LHFPL6: variants seen among roughly 807,000 people sequenced by gnomAD.
LHFPL6 encodes LHFPL tetraspan subfamily member 6 protein.
A neutral mutation model predicts 20.6 loss-of-function variants in LHFPL6; 9 were observed. The ratio of observed to expected loss-of-function variants is 0.44; its 90% CI spans 0.26 to 0.76. The LOEUF (loss-of-function observed/expected upper bound fraction) is 0.76, where lower values mean the gene tolerates loss of function less well. Ranked by LOEUF, LHFPL6 falls within the 30% of genes least tolerant of loss-of-function variation. The pLI is 0.20. For missense variants in LHFPL6, 218 were observed against 253.5 expected (o/e 0.86, Z 0.95); for synonymous variants, 105 against 98.7 (o/e 1.06, Z -0.38).
chr13:39,353,886 T>C (rs189410171), intron 3 of LHFPL6, among the ~76,000 whole-genome samples: 1 of 152,182 alleles, frequency 6.6e-6, no homozygotes, highest in Non-Finnish European at 1.5e-5. Context: ...GCTGCACACA[T>C]GCATATAATG....
intron 2 of LHFPL6, among the ~76,000 whole-genome samples, chr13:39,479,034 T>TAGATATAGATAGATAG (rs1555264216): frequency 6.9e-6 from 1 of 143,988 alleles, no homozygotes. Context: ...GGGAGATAGA[T>TAGATATAGATAGATAG]ATAGATAGAT....
chr13:39,528,310 C>T (rs965024052), intron 2 of LHFPL6, among the ~76,000 whole-genome samples: 1 of 152,172 alleles, frequency 6.6e-6, no homozygotes, highest in Non-Finnish European at 1.5e-5. Flanking sequence ...TATCCTTCCT[C>T]TCCCCTCTGA....
At chr13:39,581,886 TG>T (rs1050014888) in intron 2 of LHFPL6, among the ~76,000 whole-genome samples, 1 of 152,142 alleles carries the variant, frequency 6.6e-6, no homozygotes, top group Non-Finnish European at 1.5e-5. Context: ...CACAATCAAA[TG>T]TAAAAGAAAA....
chr13:39,468,930 A>G (rs1593324808), intron 2 of LHFPL6, among the ~76,000 whole-genome samples: 1 of 152,182 alleles, frequency 6.6e-6, no homozygotes, highest in East Asian at 1.9e-4. Flanking sequence ...CACTGTATCA[A>G]GTAAACCCCA....
At chr13:39,347,284 C>T (rs557881742) in intron 3 of LHFPL6, among the ~76,000 whole-genome samples, 6 of 152,292 alleles carry the variant, frequency 3.9e-5, no homozygotes, top group Non-Finnish European at 5.9e-5. Flanking sequence ...CTTGTGATTC[C>T]TTCCACCCAG....
At chr13:39,598,853 G>A (rs1054700702) in intron 2 of LHFPL6, among the ~76,000 whole-genome samples, 6 of 152,096 alleles carry the variant, frequency 3.9e-5, no homozygotes, top group African/African-American at 1.2e-4. Context: ...CACCGCACCC[G>A]GCCAGCTGCT....
chr13:39,541,795 C>T (rs187030375), intron 2 of LHFPL6, among the ~76,000 whole-genome samples: 5 of 152,192 alleles, frequency 3.3e-5, no homozygotes, highest in Admixed American at 3.3e-4. Flanking sequence ...ATTTAAAATG[C>T]ATGGGACAGG....
chr13:39,405,835 T>C (rs1871101150), intron 2 of LHFPL6, among the ~76,000 whole-genome samples: 1 of 152,202 alleles, frequency 6.6e-6, no homozygotes, highest in South Asian at 2.1e-4. Flanking sequence ...GTAAAAGTAC[T>C]AATGAAGGAC....
At position 39,410,493 on chromosome 13, in the gene LHFPL6, T is replaced by G. The variant is rs190214473; in HGVS notation, c.386-31967A>C. ...ACAACTTAGAAGTGAACTCTCCATC[T>G]AGGATCTAAACACATACTTCAAATA... On this transcript the variant is annotated intron_variant, in intron 2 of 3. Coordinates refer to ENST00000379589, the MANE Select transcript of LHFPL6 (RefSeq NM_005780.3). 1.5e-4 allele frequency among the ~76,000 whole-genome samples: 23 copies of G among 152,332 alleles called. No individual in the cohort carries two copies. The East Asian group carries it at 4.2e-3, about 28-fold the overall frequency.
chr13:39,396,419 G>C (rs1870843553), intron 2 of LHFPL6, among the ~76,000 whole-genome samples: 2 of 152,164 alleles, frequency 1.3e-5, no homozygotes, highest in Admixed American at 6.5e-5. Context: ...TTGGAAATAA[G>C]GTTGTTGCAG....
chr13:39,414,767 T>A (rs1229194427), intron 2 of LHFPL6, among the ~76,000 whole-genome samples: 5 of 152,052 alleles, frequency 3.3e-5, no homozygotes, highest in African/African-American at 1.2e-4. Flanking sequence ...ACCACCTAAA[T>A]GATATAATTA....
intron 2 of LHFPL6, among the ~76,000 whole-genome samples, chr13:39,450,466 C>T (rs1467633262): frequency 6.6e-6 from 1 of 152,080 alleles, no homozygotes. Context: ...GAAAGCTATC[C>T]ATTTAAAAGG....
At chr13:39,570,558 T>A (rs1276323188) in intron 2 of LHFPL6, among the ~76,000 whole-genome samples, 6 of 150,532 alleles carry the variant, frequency 4.0e-5, no homozygotes, top group Non-Finnish European at 8.9e-5. Flanking sequence ...TAAAATAAAA[T>A]GATAATCTTA....
intron 2 of LHFPL6, among the ~76,000 whole-genome samples, chr13:39,463,463 A>G (rs1478343165): frequency 1.3e-5 from 2 of 152,230 alleles, no homozygotes; most frequent in African/African-American, 4.8e-5. Flanking sequence ...AAAACTATTC[A>G]GCATAACAAA....
intron 3 of LHFPL6, among the ~76,000 whole-genome samples, chr13:39,366,022 A>G (rs1242840388): frequency 6.6e-6 from 1 of 152,168 alleles, no homozygotes; most frequent in Non-Finnish European, 1.5e-5. Flanking sequence ...TGAAAACCCT[A>G]GGGAATCCTT....
chr13:39,430,684 G>A (rs540336854), intron 2 of LHFPL6, among the ~76,000 whole-genome samples: 1 of 152,252 alleles, frequency 6.6e-6, no homozygotes, highest in African/African-American at 2.4e-5. Context: ...TCAGCGCTCT[G>A]CGTCTAGCTA....
At chr13:39,459,983 G>GT (rs1872652461) in intron 2 of LHFPL6, among the ~76,000 whole-genome samples, 1 of 152,090 alleles carries the variant, frequency 6.6e-6, no homozygotes, top group Non-Finnish European at 1.5e-5. Context: ...AGAATGTGGA[G>GT]TAAGAGGATC....
chr13:39,449,063 G>C (rs973679288), intron 2 of LHFPL6, among the ~76,000 whole-genome samples: 3 of 152,184 alleles, frequency 2.0e-5, no homozygotes, highest in African/African-American at 7.2e-5. Flanking sequence ...AGCTTTAATA[G>C]GGCAAGGGAG....
At chr13:39,460,777 G>A (rs1052440937) in intron 2 of LHFPL6, among the ~76,000 whole-genome samples, 8 of 152,276 alleles carry the variant, frequency 5.3e-5, no homozygotes, top group Admixed American at 4.6e-4. Flanking sequence ...CTGTGTTTCT[G>A]CCAGTGCTTT....
Sources: gnomAD v4.1 joint callset for allele counts (sites outside exome capture counted in the v4.1 genomes callset) on GRCh38, gnomAD v4.1.1 for gene constraint, MANE v1.5 for transcripts, NCBI Gene and HGNC (gene_info 2026-07-23, HGNC 2026-07-21) for gene names.